CRK: variants seen among roughly 807,000 people sequenced by gnomAD.
CRK encodes CRK proto-oncogene, adaptor protein.
Under a neutral mutation model 29.8 loss-of-function variants are expected in CRK, and 4 were observed. The observed-to-expected ratio is 0.13, with a 90% CI of 0.07 to 0.31. CRK has a LOEUF of 0.31. Among genes scored for constraint, CRK ranks in the 10% least tolerant of loss-of-function variants. The probability of loss-of-function intolerance (pLI) is 1.00; values close to 1 mark genes in which losing one functional copy is unlikely to be tolerated. For synonymous variants in CRK, 153 were observed against 164.9 expected, an observed-to-expected ratio of 0.93 and a Z score of 0.55; for missense variants, 274 against 396.5, an observed-to-expected ratio of 0.69 and a Z score of 2.62.
At chr17:1,437,636 A>G (rs2073897114) in intron 1 of CRK, among the ~76,000 whole-genome samples, 1 of 151,564 alleles carries the variant, frequency 6.6e-6, no homozygotes, top group African/African-American at 2.4e-5. Context: ...AGAGCAGTGT[A>G]AGCCTCAAGG....
intron 1 of CRK, among the ~76,000 whole-genome samples, chr17:1,442,392 T>A (rs536606634): frequency 1.1e-4 from 16 of 152,122 alleles, no homozygotes; most frequent in Middle Eastern, 6.8e-3. Context: ...GCTCAAGTGA[T>A]CGGCCCACCT....
At chr17:1,437,180 AT>A (rs1253720547) in intron 1 of CRK, 25 bp from the exon 2 acceptor site, 8 of 1,562,572 alleles carry the variant, frequency 5.1e-6, no homozygotes, top group African/African-American at 1.4e-5. Flanking sequence ...GCAGGCTGTT[AT>A]TTAATGATGT....
chr17:1,428,928 C>G (rs1277908059), intron 2 of CRK, among the ~76,000 whole-genome samples: 1 of 151,860 alleles, frequency 6.6e-6, no homozygotes, highest in East Asian at 1.9e-4. Flanking sequence ...TCACTGCAAC[C>G]TCCGCCTCCT....
chr17:1,444,305 C>T (rs940994062), intron 1 of CRK, among the ~76,000 whole-genome samples: 2 of 152,068 alleles, frequency 1.3e-5, no homozygotes, highest in African/African-American at 2.4e-5. Context: ...AGCTAAAGAC[C>T]TAATTATTTC....
Position 1,422,446 on chromosome 17 carries a change from A to C in CRK, c.*1067T>G, listed in dbSNP as rs1391855953. 1 of 152,370 alleles carries C rather than the reference A, an allele frequency of 6.6e-6. No homozygotes were observed. Among genetic ancestry groups the C allele is most frequent in the East Asian group, 1.9e-4 (1 of 5,194 alleles). 9.4% of individuals were successfully genotyped at this position (152,370 alleles called of 1,614,324 possible). ...CCAAAGTGCTGGGATTACAGACGTG[A>C]GCCACCGCGCCCAGCCGGTTCAACA... On this transcript the variant is annotated 3_prime_UTR_variant, in exon 3 of 3. Coordinates refer to ENST00000300574, the MANE Select transcript of CRK (RefSeq NM_016823.4).
At chr17:1,435,464 GA>G (rs1347359197) in intron 2 of CRK, among the ~76,000 whole-genome samples, 2 of 66,514 alleles carry the variant, frequency 3.0e-5, no homozygotes, top group East Asian at 5.5e-4. Context: ...AAAAAGCAGA[GA>G]GGAAAAAAAA....
At chr17:1,449,909 T>A (rs2074004298) in intron 1 of CRK, among the ~76,000 whole-genome samples, 1 of 152,122 alleles carries the variant, frequency 6.6e-6, no homozygotes, top group African/African-American at 2.4e-5. Flanking sequence ...CCTTTAAAAA[T>A]AATACCCAGC....
At chr17:1,435,165 T>A (rs1261050450) in intron 2 of CRK, among the ~76,000 whole-genome samples, 2 of 152,002 alleles carry the variant, frequency 1.3e-5, no homozygotes, top group Non-Finnish European at 2.9e-5. Flanking sequence ...GCTCAGGTGA[T>A]CCTCCCTCCT....
At chr17:1,452,198 T>C (rs1389985061) in intron 1 of CRK, among the ~76,000 whole-genome samples, 4 of 152,164 alleles carry the variant, frequency 2.6e-5, no homozygotes, top group Non-Finnish European at 5.9e-5. Flanking sequence ...CTTAAGCAAG[T>C]TACTGAATCT....
intron 1 of CRK, among the ~76,000 whole-genome samples, chr17:1,446,027 T>C (rs2073971889): frequency 6.6e-6 from 1 of 152,226 alleles, no homozygotes; most frequent in Non-Finnish European, 1.5e-5. Context: ...CCTCCCAAAG[T>C]ACTGGGATGA....
chr17:1,436,172 A>G (rs961292341), intron 2 of CRK, among the ~76,000 whole-genome samples: 2 of 152,128 alleles, frequency 1.3e-5, no homozygotes, highest in Non-Finnish European at 2.9e-5. Flanking sequence ...AGTGGTAAGG[A>G]ACTTCAAGTC....
Position 1,437,038 on chromosome 17 carries a change from C to G in CRK, c.359G>C (p.Arg120Thr), listed in dbSNP as rs2073891920. Residue 120 changes from arginine to threonine, a missense_variant, in exon 2 of 3, where the codon AGA becomes ACA. By Grantham distance (71) the Arg-to-Thr change is moderately conservative. Transcript: ENST00000300574. ...AATCACTCCACTACCCTGCCTGGATCTGGAAACTGGTTCTATCAACGTTGT... is the reference window on the plus strand; with the variant it reads ...AATCACTCCACTACCCTGCCTGGATGTGGAAACTGGTTCTATCAACGTTGT... ...DTTTLIEPVS[R>T]SRQGSGVILR... 2 of 1,614,120 alleles carry G rather than the reference C, an allele frequency of 1.2e-6. No individual in the cohort carries two copies. Among genetic ancestry groups the G allele is most frequent in the Non-Finnish European group, 1.7e-6 (2 of 1,180,032 alleles).
intron 2 of CRK, 102 bp downstream of exon 2, chr17:1,436,518 C>T (rs1261210834): frequency 7.7e-7 from 1 of 1,306,344 alleles, no homozygotes; most frequent in African/African-American, 1.5e-5. Context: ...TTGCCATCTA[C>T]AACATCCCAA....
intron 1 of CRK, among the ~76,000 whole-genome samples, chr17:1,453,443 T>C (rs2074033613): frequency 6.6e-6 from 1 of 152,184 alleles, no homozygotes; most frequent in Non-Finnish European, 1.5e-5. Context: ...TGACGACATA[T>C]AATGCAAAAC....
At chr17:1,433,508 GCTTT>G (rs1460481734) in intron 2 of CRK, among the ~76,000 whole-genome samples, 3 of 114,368 alleles carry the variant, frequency 2.6e-5, no homozygotes, top group African/African-American at 7.1e-5. Flanking sequence ...ACCACGCCTG[GCTTT>G]TTTTTTTTTT....
intron 2 of CRK, among the ~76,000 whole-genome samples, chr17:1,430,009 C>T (rs1016021430): frequency 2.7e-5 from 4 of 150,326 alleles, no homozygotes; most frequent in African/African-American, 4.9e-5. Context: ...TTCAAATATA[C>T]GGAGATGAGA....
intron 1 of CRK, among the ~76,000 whole-genome samples, chr17:1,453,391 A>C (rs191505378): frequency 4.3e-4 from 66 of 152,328 alleles, no homozygotes; most frequent in African/African-American, 1.5e-3. Context: ...AAACACAAAC[A>C]AAAGGCTGAA....
At position 1,421,241 on chromosome 17, in the gene CRK, G is replaced by T. The variant is rs2073721465; in HGVS notation, c.*2272C>A. The T allele has an allele frequency of 1.3e-5, 2 of 151,968 alleles. No individual in the cohort carries two copies. Among genetic ancestry groups the T allele is most frequent in the Admixed American group, 6.6e-5 (1 of 15,178 alleles). The allele number at this position is 151,968 out of a possible 1,614,324, so 9.4% of individuals were successfully genotyped here. On this transcript the variant is annotated 3_prime_UTR_variant, in exon 3 of 3. Coordinates refer to ENST00000300574, the MANE Select transcript of CRK (RefSeq NM_016823.4). ...CTTGAGTAGCGCTGCCTGTTCCACTGATATTACATATGATGAAAAGAGACA... is the reference window on the plus strand; with the variant it reads ...CTTGAGTAGCGCTGCCTGTTCCACTTATATTACATATGATGAAAAGAGACA...
chr17:1,452,049 A>G (rs1201573012), intron 1 of CRK, among the ~76,000 whole-genome samples: 1 of 152,164 alleles, frequency 6.6e-6, no homozygotes, highest in East Asian at 1.9e-4. Context: ...AGTATTGAGG[A>G]TATTGAGGAT....
Sources: gnomAD v4.1 joint callset for allele counts (sites outside exome capture counted in the v4.1 genomes callset) on GRCh38, gnomAD v4.1.1 for gene constraint, MANE v1.5 for transcripts, NCBI Gene and HGNC (gene_info 2026-07-23, HGNC 2026-07-21) for gene names.